EP400: variants seen among roughly 807,000 people sequenced by gnomAD.
EP400 encodes E1A-binding protein p400.
A neutral mutation model predicts 354.1 loss-of-function variants in EP400; 105 were observed. The observed-to-expected ratio is 0.30, with a 90% confidence interval of 0.25 to 0.35. The LOEUF (loss-of-function observed/expected upper bound fraction) is 0.35. Among genes scored for constraint, EP400 ranks in the 10% least tolerant of loss-of-function variants. The probability of loss-of-function intolerance (pLI) is 1.00; values close to 1 mark genes in which losing one functional copy is unlikely to be tolerated. For missense variants in EP400, 3,280 were observed against 4,121.0 expected, an observed-to-expected ratio of 0.80 and a Z score of 5.59; for synonymous variants, 1,646 against 1,716.9, an observed-to-expected ratio of 0.96 and a Z score of 1.02.
intron 2 of EP400, among the ~76,000 whole-genome samples, chr12:131,971,707 T>G (rs1286750797): frequency 6.6e-6 from 1 of 151,980 alleles, no homozygotes; most frequent in African/African-American, 2.4e-5. Flanking sequence ...TTTTTTTTTT[T>G]GTCTTCCAGT....
chr12:132,059,675 C>T (rs943304788), intron 45 of EP400, among the ~76,000 whole-genome samples: 4 of 152,126 alleles, frequency 2.6e-5, no homozygotes, highest in South Asian at 2.1e-4. Context: ...CTGGATAGGC[C>T]TGTAAAGATG....
chr12:132,055,091 C>A lies in EP400; in HGVS notation c.7775-8C>A. ...GCGCTGTTGCCTTATGCCCGCCTGT[C>A]TCCGCAGGTGCCGTGAGTGGAAATG... On this transcript the variant is annotated splice_region_variant and splice_polypyrimidine_tract_variant and intron_variant, in intron 44 of 52. Transcript: ENST00000389561. 6.2e-7 allele frequency: 1 copy of A among 1,613,832 alleles called. No homozygotes were observed. The highest frequency in any genetic ancestry group is 8.5e-7 in the Non-Finnish European group (1 of 1,179,896).
chr12:132,027,477 A>G lies in EP400; in HGVS notation c.5055A>G (p.Val1685=). ...PGRVAVNALA[V]GEPGTASKPA... is the part of the protein sequence containing the mutation. Reference sequence around the variant, plus strand: ...GCGTGGCGGTGAATGCCTTGGCTGTAGGAGAACCCGGAACGGCCTCCAAAC... The same window carrying G: ...GCGTGGCGGTGAATGCCTTGGCTGTGGGAGAACCCGGAACGGCCTCCAAAC... Residue 1685 remains valine, a synonymous_variant, in exon 26 of 53, where the codon GTA becomes GTG. Coordinates refer to ENST00000389561, the MANE Select transcript of EP400 (RefSeq NM_015409.5). The surrounding 1 kb of genome is among the most constrained non-coding windows in gnomAD (Gnocchi z 4.9). The G allele has an allele frequency of 6.2e-7, 1 of 1,614,036 alleles. No individual in the cohort carries two copies. Among genetic ancestry groups the G allele is most frequent in the Non-Finnish European group, 8.5e-7 (1 of 1,180,020 alleles).
intron 51 of EP400, among the ~76,000 whole-genome samples, chr12:132,074,310 G>A (rs147384123): frequency 4.3e-4 from 65 of 152,244 alleles, no homozygotes; most frequent in African/African-American, 1.4e-3. Flanking sequence ...TCTGTCCAGC[G>A]TTTCTCTCTT....
At position 131,982,109 on chromosome 12, in the gene EP400, G is replaced by A. The variant is rs777413108; in HGVS notation, c.1560G>A (p.Thr520=). 8 of 1,520,020 alleles carry A rather than the reference G, an allele frequency of 5.3e-6. No individual in the cohort carries two copies. The highest frequency in any genetic ancestry group is 2.8e-5 in the African/African-American group (2 of 72,044). 94.2% of individuals were successfully genotyped at this position (1,520,020 alleles called of 1,614,324 possible). A position where few individuals can be genotyped will look rare whatever the true frequency, so the allele number is the denominator to read the frequency against. ...ATTTTGCAGGAGGAATGCCCCCCAC[G>A]CCGCAGGCCGCGCAGCTCGCTGGAC... The part of the protein sequence containing the change: ...MPTAQGGMPP[T]PQAAQLAGQR... The change falls in exon 5 of 53, where the codon ACG becomes ACA. Residue 520 remains threonine (T), a synonymous_variant. Coordinates refer to ENST00000389561, the MANE Select transcript of EP400 (RefSeq NM_015409.5).
chr12:132,062,262 C>A lies in EP400; in HGVS notation c.8037C>A (p.Val2679=). The A allele has an allele frequency of 6.2e-7, 1 of 1,614,210 alleles. No homozygotes were observed. Among genetic ancestry groups the A allele is most frequent in the South Asian group, 1.1e-5 (1 of 91,086 alleles). Residue 2679 remains valine, a synonymous_variant, in exon 46 of 53, where the codon GTC becomes GTA. Coordinates refer to ENST00000389561, the MANE Select transcript of EP400 (RefSeq NM_015409.5). The part of the protein sequence containing the change: ...AVTSVTASAV[V]TTNLTPVQTP... ...CTTCTGTGACAGCCTCGGCCGTGGT[C>A]ACTACCAACCTGACCCCAGTGCAGA...
chr12:131,989,464 G>C (rs1272209280), intron 7 of EP400, among the ~76,000 whole-genome samples: 1 of 152,234 alleles, frequency 6.6e-6, no homozygotes. Context: ...GGCTCCAAAG[G>C]TTTTCTCATC....
At chr12:131,963,288 G>A in intron 2 of EP400, among the ~76,000 whole-genome samples, 1 of 152,156 alleles carries the variant, frequency 6.6e-6, no homozygotes, top group East Asian at 1.9e-4. Context: ...TTTAAAGTTT[G>A]AAGTTGCAGA....
rs1248467946 is a variant in EP400 at position 132,075,215 on chromosome 12, T to G, written c.9022-1301T>G. Among the ~76,000 whole-genome samples, 1 of 149,720 alleles carries G rather than the reference T, an allele frequency of 6.7e-6. No individual in the cohort carries two copies. The highest frequency in any genetic ancestry group is 1.5e-5 in the Non-Finnish European group (1 of 67,248). ...ATGGCAGCTGGCAGTAGCACGGGGCTCTTTTGCAAGCTCCCCACCGAGAAC... is the reference window on the plus strand; with the variant it reads ...ATGGCAGCTGGCAGTAGCACGGGGCGCTTTTGCAAGCTCCCCACCGAGAAC... On this transcript the variant is annotated intron_variant, in intron 51 of 52. Coordinates refer to ENST00000389561, the MANE Select transcript of EP400 (RefSeq NM_015409.5). The surrounding 1 kb of genome is among the most constrained non-coding windows in gnomAD (Gnocchi z 4.5).
intron 2 of EP400, among the ~76,000 whole-genome samples, chr12:131,978,353 G>GT (rs1262945052): frequency 1.3e-5 from 2 of 152,130 alleles, no homozygotes; most frequent in Non-Finnish European, 2.9e-5. Context: ...TAGTACTGTA[G>GT]TTTCACCGCC....
At chr12:131,957,169 C>A (rs1327214617) in intron 1 of EP400, among the ~76,000 whole-genome samples, 2 of 152,094 alleles carry the variant, frequency 1.3e-5, no homozygotes, top group African/African-American at 4.8e-5. Context: ...CTATGCCCAG[C>A]CTCTTTTTGT....
chr12:131,993,065 G>A (rs951353722), intron 11 of EP400, among the ~76,000 whole-genome samples: 3 of 152,242 alleles, frequency 2.0e-5, no homozygotes, highest in Non-Finnish European at 4.4e-5. Flanking sequence ...TGAGTGAGGA[G>A]CCTGAGGGCA....
intron 6 of EP400, among the ~76,000 whole-genome samples, chr12:131,987,238 A>G (rs1412048264): frequency 1.3e-5 from 2 of 152,236 alleles, no homozygotes; most frequent in African/African-American, 4.8e-5. Flanking sequence ...CATTAGGGGA[A>G]TTAAAAGAAA....
At position 132,064,671 on chromosome 12, in the gene EP400, C is replaced by T. The variant is rs761432014; in HGVS notation, c.8338C>T (p.His2780Tyr). The change falls in exon 48 of 53, where the codon CAC becomes TAC. Residue 2780 changes from histidine to tyrosine, a missense_variant. Physicochemically the swap from His to Tyr is moderately conservative, Grantham distance 83. Transcript: ENST00000389561. Reference sequence around the variant, plus strand: ...AGATACTTTGCTTGTATTTTAGGAACACCTCATCAAAATGCAGAAGCAGAA... The same window carrying T: ...AGATACTTTGCTTGTATTTTAGGAATACCTCATCAAAATGCAGAAGCAGAA... The part of the protein sequence containing the change: ...IKAVGKLTPE[H>Y]LIKMQKQKLQ... 1.2e-6 allele frequency: 2 copies of T among 1,610,864 alleles called. No homozygotes were observed. The highest frequency in any genetic ancestry group is 1.7e-6 in the Non-Finnish European group (2 of 1,177,584).
rs148622963 is a variant in EP400 at position 132,066,825 on chromosome 12, G to T, written c.8605G>T (p.Ala2869Ser). The stretch of plus-strand genomic sequence containing the variant: ...GGCGCAAGGGCAGATGCAGACCCAG[G>T]CACCCCAGCCAGCCCAGGTGGCCTT... Reference protein sequence around the residue: ...LQAQGQMQTQAPQPAQVALAK... With the variant: ...LQAQGQMQTQSPQPAQVALAK... The change falls in exon 49 of 53, where the codon GCA becomes TCA. Residue 2869 changes from alanine to serine, a missense_variant. Ala to Ser is a moderately conservative substitution (Grantham distance 99). This residue lies in a region of EP400 where 279 missense variants were observed against 386.7 expected (regional missense o/e 0.72). Coordinates refer to ENST00000389561, the MANE Select transcript of EP400 (RefSeq NM_015409.5). The T allele has an allele frequency of 7.4e-5, 119 of 1,613,732 alleles. No homozygotes were observed. The highest frequency in any genetic ancestry group is 1.3e-4 in the Admixed American group (8 of 59,966).
At position 132,017,692 on chromosome 12, in the gene EP400, C is replaced by T. The variant is rs2136538665; in HGVS notation, c.4081C>T (p.Leu1361=). Residue 1361 remains leucine, a synonymous_variant, in exon 20 of 53, where the codon CTG becomes TTG. Coordinates refer to ENST00000389561, the MANE Select transcript of EP400 (RefSeq NM_015409.5). This position sits in a 1 kb window ranked among gnomAD's most constrained non-coding sequence, Gnocchi z 5.0. ...PLEYPSASLI[L]KALERDFWKE... ...GGAGTATCCGTCCGCATCTCTAATC[C>T]TGAAGGCACTGGAGAGAGATTTCTG... is the stretch of plus-strand genomic sequence containing the variant. The T allele has an allele frequency of 1.9e-6, 3 of 1,547,984 alleles. No homozygotes were observed. Among genetic ancestry groups the T allele is most frequent in the Non-Finnish European group, 2.6e-6 (3 of 1,147,264 alleles).
intron 7 of EP400, among the ~76,000 whole-genome samples, chr12:131,989,275 C>T (rs756607929): frequency 1.3e-5 from 2 of 152,236 alleles, no homozygotes; most frequent in African/African-American, 2.4e-5. Flanking sequence ...TCCTGCCTCT[C>T]GCTGGGGTAG....
chr12:131,951,807 G>A (rs1891510277), intron 1 of EP400, among the ~76,000 whole-genome samples: 1 of 146,762 alleles, frequency 6.8e-6, no homozygotes, highest in Non-Finnish European at 1.5e-5. Context: ...ACGGAGTTTT[G>A]TTCTTGTTGC....
rs1259566548 is a variant in EP400, at chr12:132,067,718, AG to A, written c.8874+237del. On this transcript the variant is annotated intron_variant, in intron 50 of 52. Transcript: ENST00000389561. This position sits in a 1 kb window ranked among gnomAD's most constrained non-coding sequence, Gnocchi z 5.3. ...GGCTGAGGTCTTGGCAGGGGGATGG[AG>A]GGGGTATAGTCTGTGAGGATGGCTG... 6.8e-6 allele frequency among the ~76,000 whole-genome samples: 1 copy of A among 146,900 alleles called. No individual in the cohort carries two copies. The highest frequency in any genetic ancestry group is 6.8e-5 in the Admixed American group (1 of 14,650).
Sources: gnomAD v4.1 joint callset for allele counts (sites outside exome capture counted in the v4.1 genomes callset) on GRCh38, gnomAD v4.1.1 for gene constraint, gnomAD v4.1.1 regional missense constraint, Gnocchi (gnomAD v3.1) non-coding constraint, MANE v1.5 for transcripts, NCBI Gene and HGNC (gene_info 2026-07-23, HGNC 2026-07-21) for gene names.